The following KIAA1549L variants were observed in gnomAD, a reference collection of about 807,000 sequenced individuals.
KIAA1549L encodes the protein UPF0606 protein KIAA1549L.
In KIAA1549L, 88 loss-of-function variants were observed where a neutral mutation model predicts 160.7. The observed-to-expected ratio is 0.55, with a 90% CI of 0.46 to 0.65. KIAA1549L has a LOEUF of 0.65. Ranked by LOEUF, KIAA1549L falls within the 30% of genes least tolerant of loss-of-function variation. KIAA1549L has a pLI of 0.00. For synonymous variants in KIAA1549L, 950 were observed against 976.7 expected (o/e 0.97, Z 0.51); for missense variants, 2,258 against 2,437.5 (o/e 0.93, Z 1.55).
At chr11:33,474,651 T>C (rs533773371) in intron 1 of KIAA1549L, among the ~76,000 whole-genome samples, 29 of 152,314 alleles carry the variant, frequency 1.9e-4, no homozygotes, top group African/African-American at 6.5e-4. Context: ...ACTTCCTCAT[T>C]TGTAAAAGAG....
At chr11:33,566,774 T>C (rs1470722309) in intron 8 of KIAA1549L, among the ~76,000 whole-genome samples, 1 of 152,228 alleles carries the variant, frequency 6.6e-6, no homozygotes, top group Non-Finnish European at 1.5e-5. Context: ...CTGCAATGCG[T>C]TCTTCACATC....
intron 1 of KIAA1549L, among the ~76,000 whole-genome samples, chr11:33,494,363 C>A (rs1403315546): frequency 1.3e-5 from 2 of 152,132 alleles, no homozygotes; most frequent in African/African-American, 4.8e-5. Context: ...CCCATTATAC[C>A]ACCAACACAG....
chr11:33,410,890 C>T (rs1850772147), intron 1 of KIAA1549L, among the ~76,000 whole-genome samples: 1 of 152,196 alleles, frequency 6.6e-6, no homozygotes, highest in Non-Finnish European at 1.5e-5. Flanking sequence ...AGGAGGAAGA[C>T]AGTTTCAAGA....
intron 1 of KIAA1549L, among the ~76,000 whole-genome samples, chr11:33,519,214 AC>A (rs1291256724): frequency 6.6e-6 from 1 of 152,196 alleles, no homozygotes; most frequent in Non-Finnish European, 1.5e-5. Flanking sequence ...CAACAGATTT[AC>A]CCTACTGAAA....
At chr11:33,644,449 G>T (rs1455041753) in intron 16 of KIAA1549L, among the ~76,000 whole-genome samples, 1 of 152,182 alleles carries the variant, frequency 6.6e-6, no homozygotes, top group East Asian at 1.9e-4. Context: ...ATATATCAAG[G>T]TGCTTTATAC....
At chr11:33,443,600 T>G (rs1851552232) in intron 1 of KIAA1549L, among the ~76,000 whole-genome samples, 1 of 152,188 alleles carries the variant, frequency 6.6e-6, no homozygotes, top group African/African-American at 2.4e-5. Flanking sequence ...TGATTTTTTT[T>G]GGTGCCCCAA....
In KIAA1549L at chr11:33,542,219, C is replaced by A. The variant is rs185844914; in HGVS notation, c.656C>A (p.Pro219Gln). Residue 219 changes from proline to glutamine, a missense_variant, in exon 2 of 21, where the codon CCA (proline) becomes CAA (glutamine). Around this residue, in one of 6 missense-constraint regions of KIAA1549L, gnomAD observed 540 missense variants for 465.7 expected, o/e 1.16. Coordinates refer to ENST00000658780, the MANE Select transcript of KIAA1549L (RefSeq NM_012194.3). ...GGGACATCCTTCAGTGCTGTCCCCCCATCCCAGCCAGTATGGGCAGGGACT... is the reference window on the plus strand; with the variant it reads ...GGGACATCCTTCAGTGCTGTCCCCCAATCCCAGCCAGTATGGGCAGGGACT... ...PSGTSFSAVP[P>Q]SQPVWAGTSS... 7.6e-6 allele frequency: 5 copies of A among 659,332 alleles called. No homozygotes were observed. The highest frequency in any genetic ancestry group is 1.5e-5 in the South Asian group (1 of 65,692). 40.8% of individuals were successfully genotyped at this position (659,332 alleles called of 1,614,324 possible).
chr11:33,476,784 A>C lies in KIAA1549L; in HGVS notation c.239-65018A>C, dbSNP rs372094974. 5.3e-5 allele frequency among the ~76,000 whole-genome samples: 8 copies of C among 152,244 alleles called. No individual in the cohort carries two copies. In the East Asian group the frequency reaches 1.4e-3, roughly 26 times the overall value. ...AAAAATGTGCACCCTATTACAAATA[A>C]ACTCTCCTAACGTCACACTGAAACA... is the stretch of plus-strand genomic sequence containing the variant. On this transcript the variant is annotated intron_variant, in intron 1 of 20. Coordinates refer to ENST00000658780, the MANE Select transcript of KIAA1549L (RefSeq NM_012194.3).
chr11:33,379,198 A>G (rs1850022499), intron 1 of KIAA1549L, among the ~76,000 whole-genome samples: 1 of 152,158 alleles, frequency 6.6e-6, no homozygotes, highest in Admixed American at 6.5e-5. Context: ...ATGGGCAAAC[A>G]TAGATTTGTT....
chr11:33,557,151 CA>C (rs1204296425), intron 6 of KIAA1549L, among the ~76,000 whole-genome samples: 1 of 151,974 alleles, frequency 6.6e-6, no homozygotes, highest in Admixed American at 6.6e-5. Flanking sequence ...TCATGCTTGG[CA>C]ATTTTTTTCT....
rs543730063 is a variant in KIAA1549L, at chr11:33,393,101, T to C, written c.238+16212T>C. On this transcript the variant is annotated intron_variant, in intron 1 of 20. Transcript: ENST00000658780. ...TCTTCATAACTCAGTTTGACTTCAT[T>C]GCTTAGCAATCTGGGTCCTTTATGA... 5.9e-5 allele frequency among the ~76,000 whole-genome samples: 9 copies of C among 152,104 alleles called. No homozygotes were observed. In the South Asian group the frequency reaches 1.9e-3, roughly 31 times the overall value.
chr11:33,379,170 A>G (rs1164242339), intron 1 of KIAA1549L, among the ~76,000 whole-genome samples: 1 of 152,158 alleles, frequency 6.6e-6, no homozygotes, highest in East Asian at 1.9e-4. Context: ...TAAGCCAGAC[A>G]TTTGTCTTGG....
chr11:33,674,011 A>G lies in KIAA1549L; in HGVS notation c.*5857A>G, dbSNP rs973993660. ...TGCTTCGCTTTCTAATGAACTTTGT[A>G]CGTCCTTAGCCTCTGCCGGGAACAG... On this transcript the variant is annotated 3_prime_UTR_variant, in exon 21 of 21. Transcript: ENST00000658780. The G allele has an allele frequency of 3.9e-5, 6 of 152,248 alleles. No homozygotes were observed. Among genetic ancestry groups the G allele is most frequent in the East Asian group, 1.9e-4 (1 of 5,206 alleles). The allele number at this position is 152,248 out of a possible 1,614,324, so 9.4% of individuals were successfully genotyped here.
At chr11:33,604,719 T>C (rs893066532) in intron 13 of KIAA1549L, among the ~76,000 whole-genome samples, 1 of 152,148 alleles carries the variant, frequency 6.6e-6, no homozygotes, top group African/African-American at 2.4e-5. Context: ...CCAAATACTA[T>C]ATATTCTCAC....
chr11:33,544,270 A>T lies in KIAA1549L; in HGVS notation c.2707A>T (p.Thr903Ser). 1 of 1,613,936 alleles carries T rather than the reference A, an allele frequency of 6.2e-7. No individual in the cohort carries two copies. Among genetic ancestry groups the T allele is most frequent in the Non-Finnish European group, 8.5e-7 (1 of 1,179,870 alleles). ...CTCTGCTGCTGAATCTTCTATATCG[A>T]CCAGTGTCTTTCCCAGGACCTCCTC... is the stretch of plus-strand genomic sequence containing the variant. ...YHSAAESSIS[T>S]SVFPRTSSRV... The change falls in exon 2 of 21, where the codon ACC becomes TCC. Residue 903 changes from threonine to serine, a missense_variant. Thr to Ser is a moderately conservative substitution (Grantham distance 58). This residue lies in a region of KIAA1549L where 287 missense variants were observed against 292.3 expected (regional missense o/e 0.98). Transcript: ENST00000658780.
At chr11:33,449,965 A>G (rs191226227) in intron 1 of KIAA1549L, among the ~76,000 whole-genome samples, 1 of 152,302 alleles carries the variant, frequency 6.6e-6, no homozygotes, top group East Asian at 1.9e-4. Flanking sequence ...CAGCCAACCC[A>G]TTAGCTATCC....
Position 33,674,100 on chromosome 11 carries a change from A to G in KIAA1549L, c.*5946A>G, listed in dbSNP as rs969069540. 2 of 152,172 alleles carry G rather than the reference A, an allele frequency of 1.3e-5. No individual in the cohort carries two copies. Among genetic ancestry groups the G allele is most frequent in the Non-Finnish European group, 2.9e-5 (2 of 68,020 alleles). 9.4% of individuals were successfully genotyped at this position (152,172 alleles called of 1,614,324 possible). Reference sequence around the variant, plus strand: ...AAATGACAAAGGCTTTCATACCCCAAAACCTGCCTGTTTCTCATTCTACCT... The same window carrying G: ...AAATGACAAAGGCTTTCATACCCCAGAACCTGCCTGTTTCTCATTCTACCT... On this transcript the variant is annotated 3_prime_UTR_variant, in exon 21 of 21. Transcript: ENST00000658780.
At chr11:33,621,274 C>G (rs1590406035) in intron 16 of KIAA1549L, among the ~76,000 whole-genome samples, 1 of 152,186 alleles carries the variant, frequency 6.6e-6, no homozygotes, top group East Asian at 1.9e-4. Context: ...TTATTAGGGC[C>G]TATAGAAGGG....
chr11:33,656,711 G>A (rs1332108484), intron 18 of KIAA1549L, among the ~76,000 whole-genome samples: 1 of 152,130 alleles, frequency 6.6e-6, no homozygotes, highest in Non-Finnish European at 1.5e-5. Context: ...CCACTGCCCT[G>A]GCCTTCCTAC....
Sources: allele counts gnomAD v4.1 joint callset (sites outside exome capture counted in the v4.1 genomes callset), GRCh38; gene constraint gnomAD v4.1.1; regional missense constraint gnomAD v4.1.1; transcripts MANE v1.5; gene names NCBI Gene and HGNC (gene_info 2026-07-23, HGNC 2026-07-21).